Variants in ZSWIM5 observed in about 807,000 individuals in gnomAD.
ZSWIM5 encodes zinc finger SWIM-type containing 5.
In ZSWIM5, 55 loss-of-function variants were observed where a neutral mutation model predicts 119.6. The observed-to-expected ratio is 0.46, with a 90% CI of 0.37 to 0.58. ZSWIM5 has a LOEUF of 0.58. Ranked by LOEUF, ZSWIM5 falls within the 20% of genes least tolerant of loss-of-function variation. The pLI is 0.00. For synonymous variants in ZSWIM5, 537 were observed against 606.9 expected (o/e 0.88, Z 1.69); for missense variants, 1,193 against 1,512.8 (o/e 0.79, Z 3.51).
At chr1:45,090,649 T>TA (rs1187026065) in intron 1 of ZSWIM5, among the ~76,000 whole-genome samples, 2 of 151,386 alleles carry the variant, frequency 1.3e-5, no homozygotes, top group Non-Finnish European at 2.9e-5. Flanking sequence ...AAAATAAAAA[T>TA]AAAATAAAAT....
intron 2 of ZSWIM5, among the ~76,000 whole-genome samples, chr1:45,083,033 G>T (rs1570074537): frequency 6.6e-6 from 1 of 152,264 alleles, no homozygotes; most frequent in African/African-American, 2.4e-5. Context: ...TGGTGCTACA[G>T]GCCTGGGGGA....
intron 11 of ZSWIM5, among the ~76,000 whole-genome samples, chr1:45,021,330 C>T (rs769362505): frequency 6.6e-6 from 1 of 152,198 alleles, no homozygotes; most frequent in African/African-American, 2.4e-5. Flanking sequence ...TTTTCTTGAA[C>T]ACCTTAATTT....
intron 1 of ZSWIM5, among the ~76,000 whole-genome samples, chr1:45,105,532 T>G (rs1352474142): frequency 9.8e-4 from 65 of 66,336 alleles, no homozygotes; most frequent in African/African-American, 1.2e-3. Context: ...CCGTCTGGGA[T>G]GAAGTGAGGA....
rs1645028210 is a variant in ZSWIM5, at chr1:45,043,371, GT to G, written c.1456del (p.Thr486GlnfsTer22). ...CCCCTCAATGGCTCTAGTGAATACT[GT>G]TCGTCTTGGTCTGGATAAGGAGTCT... ...SPDSLSRPRR[T>X]VFTRAIEGRE... On this transcript the variant is annotated frameshift_variant, in exon 6 of 14. Coordinates refer to ENST00000359600, the MANE Select transcript of ZSWIM5 (RefSeq NM_020883.2). LOFTEE classifies it high-confidence loss of function. 6.2e-7 allele frequency: 1 copy of G among 1,614,062 alleles called. No individual in the cohort carries two copies. The highest frequency in any genetic ancestry group is 8.5e-7 in the Non-Finnish European group (1 of 1,180,036).
At chr1:45,163,396 C>A (rs1645877648) in intron 1 of ZSWIM5, among the ~76,000 whole-genome samples, 1 of 152,192 alleles carries the variant, frequency 6.6e-6, no homozygotes, top group Non-Finnish European at 1.5e-5. Context: ...GCTGAAAATT[C>A]TAAAAATCAG....
intron 1 of ZSWIM5, among the ~76,000 whole-genome samples, chr1:45,161,452 G>A (rs1570165716): frequency 6.6e-6 from 1 of 152,250 alleles, no homozygotes; most frequent in East Asian, 1.9e-4. Context: ...GCCATTCTAT[G>A]TGGGGTAAGA....
chr1:45,166,154 T>G (rs1325009490), intron 1 of ZSWIM5, among the ~76,000 whole-genome samples: 1 of 152,166 alleles, frequency 6.6e-6, no homozygotes, highest in Non-Finnish European at 1.5e-5. Flanking sequence ...GATGCAAAGC[T>G]GGTTCAACAT....
intron 1 of ZSWIM5, among the ~76,000 whole-genome samples, chr1:45,104,102 A>G (rs1172481614): frequency 6.6e-6 from 1 of 152,214 alleles, no homozygotes; most frequent in African/African-American, 2.4e-5. Flanking sequence ...ATGAAACTGC[A>G]TAGTATAAAT....
intron 11 of ZSWIM5, among the ~76,000 whole-genome samples, chr1:45,021,266 C>T (rs1337527825): frequency 6.6e-6 from 1 of 152,100 alleles, no homozygotes; most frequent in Admixed American, 6.6e-5. Context: ...CGATCTCTGA[C>T]CCTATGATCT....
chr1:45,124,448 A>G (rs2149028508), intron 1 of ZSWIM5, among the ~76,000 whole-genome samples: 1 of 152,212 alleles, frequency 6.6e-6, no homozygotes, highest in South Asian at 2.1e-4. Flanking sequence ...AATAGCTATT[A>G]TATAAAAACT....
At chr1:45,173,882 A>T (rs753207373) in intron 1 of ZSWIM5, among the ~76,000 whole-genome samples, 15 of 152,172 alleles carry the variant, frequency 9.9e-5, no homozygotes, top group Non-Finnish European at 2.1e-4. Context: ...ATAATTGCTT[A>T]AAAAACTTTA....
chr1:45,203,241 T>C (rs1400532769), intron 1 of ZSWIM5, among the ~76,000 whole-genome samples: 1 of 152,030 alleles, frequency 6.6e-6, no homozygotes, highest in Non-Finnish European at 1.5e-5. Context: ...GACTTCCCAT[T>C]ACCAGATTTT....
chr1:45,059,520 C>A (rs906803377), intron 3 of ZSWIM5, among the ~76,000 whole-genome samples: 2 of 151,904 alleles, frequency 1.3e-5, no homozygotes, highest in African/African-American at 4.8e-5. Flanking sequence ...ACATAGAGGA[C>A]AAGGGAGGGA....
At chr1:45,157,893 T>C (rs546195380) in intron 1 of ZSWIM5, among the ~76,000 whole-genome samples, 1 of 152,324 alleles carries the variant, frequency 6.6e-6, no homozygotes, top group East Asian at 1.9e-4. Context: ...CGTTGTGGTT[T>C]TAATTTACAT....
chr1:45,206,557 G>A lies in ZSWIM5; in HGVS notation c.-207C>T. On this transcript the variant is annotated 5_prime_UTR_variant, in exon 1 of 14. Coordinates refer to ENST00000359600, the MANE Select transcript of ZSWIM5 (RefSeq NM_020883.2). ...GAGGGCAGACGCGGGCGGCCTGCAG[G>A]GTAGCGTGAGGCGGCGCGCGGTGTC... The A allele has an allele frequency of 1.0e-6, 1 of 1,001,244 alleles. No individual in the cohort carries two copies. The highest frequency in any genetic ancestry group is 1.2e-6 in the Non-Finnish European group (1 of 841,298). The allele number at this position is 1,001,244 out of a possible 1,614,324, so 62.0% of individuals were successfully genotyped here.
intron 1 of ZSWIM5, among the ~76,000 whole-genome samples, chr1:45,116,799 G>A (rs1645560999): frequency 2.0e-5 from 3 of 151,864 alleles, no homozygotes; most frequent in Non-Finnish European, 4.4e-5. Context: ...TATACCGATT[G>A]GCAACATAAA....
chr1:45,163,479 G>C, intron 1 of ZSWIM5, among the ~76,000 whole-genome samples: 1 of 152,194 alleles, frequency 6.6e-6, no homozygotes, highest in East Asian at 1.9e-4. Context: ...GAATGACTTT[G>C]ACGAGTTGAG....
At chr1:45,178,341 T>C (rs944590009) in intron 1 of ZSWIM5, among the ~76,000 whole-genome samples, 2 of 152,036 alleles carry the variant, frequency 1.3e-5, no homozygotes, top group East Asian at 3.9e-4. Flanking sequence ...GGAGAGTCGC[T>C]TGAACCTGGG....
intron 1 of ZSWIM5, among the ~76,000 whole-genome samples, chr1:45,183,568 T>A (rs1646036534): frequency 6.6e-6 from 1 of 152,042 alleles, no homozygotes; most frequent in Non-Finnish European, 1.5e-5. Flanking sequence ...AAAGGGGATA[T>A]CATCACCGAT....
Sources: gnomAD v4.1 joint callset for allele counts (sites outside exome capture counted in the v4.1 genomes callset) on GRCh38, gnomAD v4.1.1 for gene constraint, MANE v1.5 for transcripts, NCBI Gene and HGNC (gene_info 2026-07-23, HGNC 2026-07-21) for gene names.